Variants in CCSER2 observed in about 807,000 individuals in gnomAD.
The protein encoded by CCSER2 is coiled-coil serine rich protein 2.
Under a neutral mutation model 92.3 loss-of-function variants are expected in CCSER2, and 46 were observed. That is an observed-to-expected ratio of 0.50 (90% CI 0.39 to 0.64). CCSER2 has a LOEUF of 0.64. Ranked by LOEUF, CCSER2 falls within the 30% of genes least tolerant of loss-of-function variation. The pLI, the probability that CCSER2 is intolerant of heterozygous loss-of-function variation, is 0.00. For synonymous variants in CCSER2, 433 were observed against 431.4 expected (o/e 1.00, Z -0.04); for missense variants, 1,244 against 1,238.9 (o/e 1.00, Z -0.06).
chr10:84,514,492 T>C lies in CCSER2; in HGVS notation c.*225T>C, dbSNP rs1204523020. On this transcript the variant is annotated 3_prime_UTR_variant, in exon 10 of 10. Coordinates refer to ENST00000372088, the MANE Select transcript of CCSER2 (RefSeq NM_001284240.2). ...TCTCAGGTAAACACGAAAGTTTGCT[T>C]ACCCATTTCAGAGGCCTGCCAAAGG... 3 of 524,404 alleles carry C rather than the reference T, an allele frequency of 5.7e-6. No homozygotes were observed. Among genetic ancestry groups the C allele is most frequent in the Admixed American group, 7.3e-5 (2 of 27,220 alleles). 32.5% of individuals were successfully genotyped at this position (524,404 alleles called of 1,614,324 possible). A position where few individuals can be genotyped will look rare whatever the true frequency, so the allele number is the denominator to read the frequency against.
At chr10:84,479,247 G>A (rs1443309738) in intron 9 of CCSER2, among the ~76,000 whole-genome samples, 1 of 152,168 alleles carries the variant, frequency 6.6e-6, no homozygotes, top group East Asian at 1.9e-4. Flanking sequence ...TGTAGATAAG[G>A]TAGCAAAAGC....
intron 1 of CCSER2, among the ~76,000 whole-genome samples, chr10:84,359,865 G>A (rs1373675835): frequency 6.6e-6 from 1 of 151,664 alleles, no homozygotes; most frequent in Non-Finnish European, 1.5e-5. Flanking sequence ...CCAGGCTGGA[G>A]TGCAGTCGTG....
intron 4 of CCSER2, among the ~76,000 whole-genome samples, chr10:84,423,174 T>G (rs1843239057): frequency 1.3e-5 from 2 of 152,230 alleles, no homozygotes; most frequent in South Asian, 4.1e-4. Context: ...TAATCTTTTC[T>G]AAGAAACCAT....
At chr10:84,469,968 T>A (rs1846679367) in intron 7 of CCSER2, among the ~76,000 whole-genome samples, 1 of 151,898 alleles carries the variant, frequency 6.6e-6, no homozygotes, top group African/African-American at 2.4e-5. Flanking sequence ...CAGGCTACTC[T>A]TATGTATCCC....
intron 1 of CCSER2, among the ~76,000 whole-genome samples, chr10:84,356,825 A>G (rs1845198997): frequency 6.6e-6 from 1 of 152,186 alleles, no homozygotes; most frequent in African/African-American, 2.4e-5. Flanking sequence ...TAATTGAAAT[A>G]TACTGCCAAT....
At chr10:84,418,325 T>C (rs1842976282) in intron 4 of CCSER2, among the ~76,000 whole-genome samples, 2 of 152,212 alleles carry the variant, frequency 1.3e-5, no homozygotes, top group Non-Finnish European at 2.9e-5. Context: ...TAGTCTATCT[T>C]TCTCTCTAGA....
At chr10:84,416,348 C>T (rs949164270) in intron 3 of CCSER2, among the ~76,000 whole-genome samples, 7 of 152,138 alleles carry the variant, frequency 4.6e-5, no homozygotes, top group African/African-American at 1.2e-4. Context: ...CATTCCTCTC[C>T]GTGAGTGCCG....
intron 1 of CCSER2, among the ~76,000 whole-genome samples, chr10:84,344,002 C>T (rs1042067397): frequency 1.3e-5 from 2 of 152,192 alleles, no homozygotes; most frequent in Non-Finnish European, 2.9e-5. Context: ...ATCAATGTGT[C>T]ATGTTCCTGG....
chr10:84,441,950 G>T (rs1230537333), intron 6 of CCSER2, among the ~76,000 whole-genome samples: 2 of 151,630 alleles, frequency 1.3e-5, no homozygotes, highest in Non-Finnish European at 2.9e-5. Flanking sequence ...TAGAGACAGG[G>T]TTTCACCATG....
intron 9 of CCSER2, among the ~76,000 whole-genome samples, chr10:84,489,191 G>A (rs577444811): frequency 5.7e-4 from 86 of 152,184 alleles, no homozygotes; most frequent in Non-Finnish European, 1.1e-3. Flanking sequence ...GTGTGATGTG[G>A]TGCTGAGAAG....
intron 7 of CCSER2, among the ~76,000 whole-genome samples, chr10:84,468,800 G>A (rs1490771124): frequency 1.3e-5 from 2 of 151,682 alleles, no homozygotes; most frequent in Non-Finnish European, 3.0e-5. Context: ...AGATTCCTAG[G>A]AGTAGGATAA....
At chr10:84,480,600 G>A (rs146585943) in intron 9 of CCSER2, among the ~76,000 whole-genome samples, 2 of 152,312 alleles carry the variant, frequency 1.3e-5, no homozygotes, top group East Asian at 3.9e-4. Context: ...GAGAAGTACT[G>A]TAAAGTGGAT....
rs139145108 is a variant in CCSER2 at position 84,513,495 on chromosome 10, A to G, written c.2372A>G (p.His791Arg). The change falls in exon 10 of 10, where the codon CAC becomes CGC. Residue 791 changes from histidine (H) to arginine (R), a missense_variant. His to Arg is a conservative substitution (Grantham distance 29, BLOSUM62 0). Coordinates refer to ENST00000372088, the MANE Select transcript of CCSER2 (RefSeq NM_001284240.2). ...AGCAGCCTTCCCAGACCCACAGATC[A>G]CACCCAGGGAAAACTAATAAAGCCA... is the stretch of plus-strand genomic sequence containing the variant. ...PSSSLPRPTD[H>R]TQGKLIKPQR... 4.8e-4 allele frequency: 768 copies of G among 1,613,992 alleles called. 1 individual carries two copies. In the African/African-American group the frequency reaches 9.0e-3, roughly 19 times the overall value.
At chr10:84,451,227 A>G (rs1417598946) in intron 6 of CCSER2, among the ~76,000 whole-genome samples, 1 of 151,316 alleles carries the variant, frequency 6.6e-6, no homozygotes, top group Non-Finnish European at 1.5e-5. Context: ...AATTGGCTAT[A>G]GAAAGGTTTT....
chr10:84,513,700 A>G lies in CCSER2; in HGVS notation c.2577A>G (p.Ala859=). Residue 859 remains alanine (A), a synonymous_variant, in exon 10 of 10, where the codon GCA becomes GCG. Coordinates refer to ENST00000372088, the MANE Select transcript of CCSER2 (RefSeq NM_001284240.2). ...TGGCTAAGAGTACACCTTCTGAAGC[A>G]AACTTAAACATTACTGTAAATGCTC... is the stretch of plus-strand genomic sequence containing the variant. ...MDVAKSTPSE[A]NLNITVNAQE... is the part of the protein sequence containing the mutation. The G allele has an allele frequency of 1.9e-6, 3 of 1,541,296 alleles. No homozygotes were observed. Among genetic ancestry groups the G allele is most frequent in the Non-Finnish European group, 2.6e-6 (3 of 1,148,226 alleles).
At chr10:84,386,835 C>T (rs1841239602) in intron 3 of CCSER2, among the ~76,000 whole-genome samples, 1 of 152,118 alleles carries the variant, frequency 6.6e-6, no homozygotes, top group Non-Finnish European at 1.5e-5. Flanking sequence ...AAGTCAGAAA[C>T]AGGAAATCAT....
At chr10:84,374,078 T>C (rs1412468300) in intron 3 of CCSER2, 3 of 763,600 alleles carry the variant, frequency 3.9e-6, no homozygotes, top group Non-Finnish European at 5.8e-6. Flanking sequence ...AGTAGTTTAA[T>C]CTATGCCAGT....
At chr10:84,434,147 A>G (rs963465350) in intron 5 of CCSER2, among the ~76,000 whole-genome samples, 1 of 151,872 alleles carries the variant, frequency 6.6e-6, no homozygotes, top group African/African-American at 2.4e-5. Context: ...TTCATCTCTT[A>G]TTTTTTATTA....
chr10:84,351,892 T>C (rs904748553), intron 1 of CCSER2, among the ~76,000 whole-genome samples: 5 of 152,092 alleles, frequency 3.3e-5, no homozygotes, highest in African/African-American at 1.2e-4. Flanking sequence ...AGGGCAGATA[T>C]ATGTATTGGG....
Sources: allele counts gnomAD v4.1 joint callset (sites outside exome capture counted in the v4.1 genomes callset), GRCh38; gene constraint gnomAD v4.1.1; transcripts MANE v1.5; gene names NCBI Gene and HGNC (gene_info 2026-07-23, HGNC 2026-07-21).